CMIP: variants seen among roughly 807,000 people sequenced by gnomAD.
CMIP encodes c-Maf inducing protein, also known as C-Maf-inducing protein.
Under a neutral mutation model 97.3 loss-of-function variants are expected in CMIP, and 13 were observed. The ratio of observed to expected loss-of-function variants is 0.13; its 90% CI spans 0.09 to 0.21. The LOEUF (loss-of-function observed/expected upper bound fraction) is 0.21, where lower values mean the gene tolerates loss of function less well. Among genes scored for constraint, CMIP ranks in the 10% least tolerant of loss-of-function variants. The pLI, the probability that CMIP is intolerant of heterozygous loss-of-function variation, is 1.00. For missense variants in CMIP, 847 were observed against 1,024.9 expected, an observed-to-expected ratio of 0.83 and a Z score of 2.37; for synonymous variants, 538 against 436.3, an observed-to-expected ratio of 1.23 and a Z score of -2.91.
chr16:81,599,818 A>G (rs533701254), intron 1 of CMIP, among the ~76,000 whole-genome samples: 1 of 152,272 alleles, frequency 6.6e-6, no homozygotes, highest in East Asian at 1.9e-4. Flanking sequence ...CCGCCTTAGC[A>G]TTGTTGTCAA....
At chr16:81,708,987 T>G (rs1291887708) in intron 20 of CMIP, among the ~76,000 whole-genome samples, 1 of 152,186 alleles carries the variant, frequency 6.6e-6, no homozygotes, top group East Asian at 1.9e-4. Context: ...TGTAAAGGCA[T>G]GAGGCCAGTT....
chr16:81,624,981 T>A (rs1338634830), intron 3 of CMIP, among the ~76,000 whole-genome samples: 1 of 152,242 alleles, frequency 6.6e-6, no homozygotes, highest in Non-Finnish European at 1.5e-5. Context: ...TTTTGTGAAT[T>A]ACTTCCTCTC....
At chr16:81,545,553 T>C (rs541183998) in intron 1 of CMIP, among the ~76,000 whole-genome samples, 1 of 152,152 alleles carries the variant, frequency 6.6e-6, no homozygotes, top group South Asian at 2.1e-4. Context: ...TGTGGCGAGC[T>C]CCAGCATCCT....
intron 1 of CMIP, among the ~76,000 whole-genome samples, chr16:81,597,343 A>G (rs2091574123): frequency 6.6e-6 from 1 of 152,008 alleles, no homozygotes; most frequent in Non-Finnish European, 1.5e-5. Context: ...TACTCTGGTA[A>G]CCCCTCTGGT....
chr16:81,542,722 G>C (rs1001833166), intron 1 of CMIP, among the ~76,000 whole-genome samples: 2 of 152,062 alleles, frequency 1.3e-5, no homozygotes, highest in Non-Finnish European at 2.9e-5. Context: ...GAGAAAGAGA[G>C]CACTCTGGCC....
chr16:81,591,603 A>T (rs1022810568), intron 1 of CMIP, among the ~76,000 whole-genome samples: 2 of 152,192 alleles, frequency 1.3e-5, no homozygotes, highest in African/African-American at 4.8e-5. Context: ...GATTGCATTT[A>T]TAACATGTTG....
intron 1 of CMIP, among the ~76,000 whole-genome samples, chr16:81,508,499 G>C (rs1355477151): frequency 6.6e-6 from 1 of 152,110 alleles, no homozygotes; most frequent in African/African-American, 2.4e-5. Context: ...GCTCTATTTG[G>C]TCATTTTCTT....
intron 13 of CMIP, chr16:81,696,268 G>C (rs1357166948): frequency 4.0e-6 from 2 of 494,156 alleles, no homozygotes; most frequent in African/African-American, 4.0e-5. Flanking sequence ...ACCTGCTGCA[G>C]CCACAGGCCC....
chr16:81,558,463 T>C (rs1339818852), intron 1 of CMIP, among the ~76,000 whole-genome samples: 3 of 152,224 alleles, frequency 2.0e-5, no homozygotes, highest in Non-Finnish European at 4.4e-5. Flanking sequence ...TTATTTTCCA[T>C]AGTGGCTGCC....
At chr16:81,537,940 T>C (rs1426138619) in intron 1 of CMIP, among the ~76,000 whole-genome samples, 2 of 152,020 alleles carry the variant, frequency 1.3e-5, no homozygotes, top group Non-Finnish European at 2.9e-5. Context: ...TGCAGAGTCT[T>C]GGCCGTCAGG....
intron 1 of CMIP, among the ~76,000 whole-genome samples, chr16:81,468,344 C>A (rs911086968): frequency 3.9e-5 from 6 of 152,380 alleles, no homozygotes; most frequent in African/African-American, 1.4e-4. Context: ...AGAGCGCAAA[C>A]TCAGAGAGAG....
chr16:81,665,230 C>A (rs1166049032), intron 7 of CMIP: 1 of 152,024 alleles, frequency 6.6e-6, no homozygotes, highest in East Asian at 1.9e-4. Context: ...CCTTGGTGTT[C>A]CCTCATCATT....
intron 1 of CMIP, among the ~76,000 whole-genome samples, chr16:81,574,284 T>C (rs1597104853): frequency 6.6e-6 from 1 of 150,996 alleles, no homozygotes; most frequent in East Asian, 1.9e-4. Context: ...CTCCTCCAAC[T>C]GCTTGGCCAC....
chr16:81,511,443 T>G (rs563275337), intron 1 of CMIP, among the ~76,000 whole-genome samples: 3 of 152,378 alleles, frequency 2.0e-5, no homozygotes, highest in Admixed American at 2.0e-4. Flanking sequence ...CTCTTTAAGT[T>G]AGTCATCTGC....
intron 3 of CMIP, chr16:81,630,164 A>C (rs149667832): frequency 1.3e-5 from 2 of 152,316 alleles, no homozygotes; most frequent in Non-Finnish European, 1.5e-5. Context: ...TCTTACGGGG[A>C]TTAAATGGGT....
chr16:81,641,648 A>G (rs1360218411), intron 3 of CMIP, among the ~76,000 whole-genome samples: 2 of 152,124 alleles, frequency 1.3e-5, no homozygotes, highest in Non-Finnish European at 2.9e-5. Context: ...TGGAAGCGGC[A>G]TTGAGCACAG....
At chr16:81,517,010 G>C (rs149305470) in intron 1 of CMIP, among the ~76,000 whole-genome samples, 1 of 149,436 alleles carries the variant, frequency 6.7e-6, no homozygotes, top group Admixed American at 6.6e-5. Context: ...GTGAAACCCA[G>C]ACGGCCTCCA....
intron 3 of CMIP, among the ~76,000 whole-genome samples, chr16:81,642,871 G>A (rs2092322230): frequency 6.6e-6 from 1 of 152,024 alleles, no homozygotes; most frequent in Non-Finnish European, 1.5e-5. Flanking sequence ...ACTCCAGCCT[G>A]GGTAACAGAG....
chr16:81,678,474 GC>G lies in CMIP; in HGVS notation c.1236del (p.Lys413SerfsTer4). The G allele has an allele frequency of 6.3e-7, 1 of 1,592,864 alleles. No individual in the cohort carries two copies. On this transcript the variant is annotated frameshift_variant, in exon 10 of 21. Coordinates refer to ENST00000537098, the MANE Select transcript of CMIP (RefSeq NM_198390.3). LOFTEE classifies it high-confidence loss of function. The part of the protein sequence containing the change: ...IHVEVERTST[A>X]KPALTASAGN... Reference sequence around the variant, plus strand: ...CGTGGAGGTGGAACGCACCAGCACTGCCAAGCCGGCGCTGACGGCCAGCGCA... The same window carrying G: ...CGTGGAGGTGGAACGCACCAGCACTGCAAGCCGGCGCTGACGGCCAGCGCA...
Sources: gnomAD v4.1 joint callset for allele counts (sites outside exome capture counted in the v4.1 genomes callset) on GRCh38, gnomAD v4.1.1 for gene constraint, MANE v1.5 for transcripts, NCBI Gene and HGNC (gene_info 2026-07-23, HGNC 2026-07-21) for gene names.